RGS3: variants seen among roughly 807,000 people sequenced by gnomAD.
The protein encoded by RGS3 is regulator of G protein signaling 3.
Under a neutral mutation model 132.6 loss-of-function variants are expected in RGS3, and 80 were observed. That is an observed-to-expected ratio of 0.60 (90% CI 0.50 to 0.73). RGS3 has a LOEUF of 0.73. Ranked by LOEUF, RGS3 falls within the 30% of genes least tolerant of loss-of-function variation. RGS3 has a pLI of 0.00. For synonymous variants in RGS3, 598 were observed against 620.6 expected (o/e 0.96, Z 0.54); for missense variants, 1,382 against 1,530.8 (o/e 0.90, Z 1.62).
Position 113,506,596 on chromosome 9 carries a change from T to C in RGS3, c.1085+103T>C. 1.4e-6 allele frequency: 1 copy of C among 732,280 alleles called. No homozygotes were observed. The highest frequency in any genetic ancestry group is 2.4e-6 in the Non-Finnish European group (1 of 424,110). 45.4% of individuals were successfully genotyped at this position (732,280 alleles called of 1,614,324 possible). On this transcript the variant is annotated intron_variant, in intron 12 of 24. Coordinates refer to ENST00000350696, the Ensembl canonical transcript of RGS3. The surrounding 1 kb of genome is among the most constrained non-coding windows in gnomAD (Gnocchi z 4.7). ...TGGCCCAGCTCTTGCTGCTCCCTCT[T>C]TTGCCTAGCTGTGAGCAGGCAATTC...
intron 17 of RGS3, among the ~76,000 whole-genome samples, chr9:113,527,360 T>TA (rs1832259030): frequency 6.6e-6 from 1 of 152,200 alleles, no homozygotes; most frequent in Admixed American, 6.5e-5. Context: ...TTTTGACTCT[T>TA]ACTTGGCACT....
At chr9:113,461,137 A>G (rs1829461819) in intron 1 of RGS3, among the ~76,000 whole-genome samples, 1 of 152,066 alleles carries the variant, frequency 6.6e-6, no homozygotes, top group African/African-American at 2.4e-5. Context: ...GTGTGTGTAC[A>G]TGGGATATGT....
chr9:113,591,401 C>T lies in RGS3; in HGVS notation c.3080+4C>T, dbSNP rs371925644. The T allele has an allele frequency of 4.6e-5, 74 of 1,612,822 alleles. No individual in the cohort carries two copies. Among genetic ancestry groups the T allele is most frequent in the Non-Finnish European group, 5.4e-5 (64 of 1,179,292 alleles). ...GGAAGAGAAAGAGCAAAAACCTGTA[C>T]GTTGGGAAGATCCCTGGCTTCTGCG... is the stretch of plus-strand genomic sequence containing the variant. On this transcript the variant is annotated splice_donor_region_variant and intron_variant, in intron 21 of 24. Transcript: ENST00000350696. The surrounding 1 kb of genome is among the most constrained non-coding windows in gnomAD (Gnocchi z 4.4).
Position 113,581,038 on chromosome 9 carries a change from G to GGGC in RGS3, c.2038-2412_2038-2411insGGC, listed in dbSNP as rs1834781683. The stretch of plus-strand genomic sequence containing the variant: ...GCTGGGCCAGGGGGTGGGTCGGGGG[G>GGGC]AGGTCTGGCCATGTGGTAGGGTGAT... On this transcript the variant is annotated intron_variant, in intron 19 of 24. Transcript: ENST00000350696. The GGGC allele has an allele frequency of 4.7e-4, 69 of 145,840 alleles. 6 individuals carry two copies. Among genetic ancestry groups the GGGC allele is most frequent in the Non-Finnish European group, 9.8e-4 (65 of 66,612 alleles). The allele number at this position is 145,840 out of a possible 1,614,324, so 9.0% of individuals were successfully genotyped here.
At chr9:113,585,793 C>T (rs1010232798) in intron 20 of RGS3, among the ~76,000 whole-genome samples, 3 of 152,212 alleles carry the variant, frequency 2.0e-5, no homozygotes, top group African/African-American at 7.2e-5. Context: ...TCCTCAGAAG[C>T]CTGCTTAGCT....
intron 8 of RGS3, among the ~76,000 whole-genome samples, chr9:113,496,148 A>G (rs529787670): frequency 3.9e-5 from 6 of 152,198 alleles, no homozygotes; most frequent in Non-Finnish European, 7.3e-5. Context: ...CTTGGGGCCC[A>G]GAGCACTCCT....
chr9:113,447,329 G>GTATATATGTATATATGTA (rs1305095004), intron 1 of RGS3, among the ~76,000 whole-genome samples: 1 of 27,532 alleles, frequency 3.6e-5, no homozygotes, highest in Non-Finnish European at 7.5e-5. Context: ...GTATGTATAT[G>GTATATATGTATATATGTA]TATATATATA....
At chr9:113,560,946 GGGGCAAGGGGCTA>G (rs1200772724) in intron 19 of RGS3, among the ~76,000 whole-genome samples, 1 of 152,200 alleles carries the variant, frequency 6.6e-6, no homozygotes, top group East Asian at 1.9e-4. Context: ...GCTTCTGGCA[GGGGCAAGGGGCTA>G]GTCTTACTCT....
intron 19 of RGS3, among the ~76,000 whole-genome samples, chr9:113,549,484 A>G (rs1037810165): frequency 3.3e-5 from 5 of 150,966 alleles, no homozygotes; most frequent in African/African-American, 1.2e-4. Context: ...TTTTTGTTGT[A>G]TTGTTGCAAA....
intron 19 of RGS3, among the ~76,000 whole-genome samples, chr9:113,544,341 T>C (rs1320663895): frequency 6.6e-6 from 1 of 151,898 alleles, no homozygotes; most frequent in African/African-American, 2.4e-5. Flanking sequence ...GCTCTGGTTC[T>C]TTTAAAACTC....
intron 7 of RGS3, among the ~76,000 whole-genome samples, chr9:113,494,761 A>G (rs1830630952): frequency 6.6e-6 from 1 of 152,236 alleles, no homozygotes; most frequent in Non-Finnish European, 1.5e-5. Flanking sequence ...GGTGTGAGCC[A>G]CTGCACCTGG....
At chr9:113,484,327 C>CAAAAGAAAAAAAAA (rs1830258960) in intron 6 of RGS3, 95 bp downstream of exon 4, 1 of 84,910 alleles carries the variant, frequency 1.2e-5, no homozygotes. Flanking sequence ...TAGATCTATG[C>CAAAAGAAAAAAAAA]AAAAAAAAAA....
intron 20 of RGS3, among the ~76,000 whole-genome samples, chr9:113,588,209 A>C (rs573995539): frequency 6.6e-6 from 1 of 152,242 alleles, no homozygotes; most frequent in Non-Finnish European, 1.5e-5. Context: ...CGTAGGTCAG[A>C]GATCAGACGA....
At chr9:113,487,091 CATTTAATTCTTTTTTTTTTTTTTTTTTTT>C (rs1428384499) in intron 7 of RGS3, among the ~76,000 whole-genome samples, 1 of 147,554 alleles carries the variant, frequency 6.8e-6, no homozygotes, top group Non-Finnish European at 1.5e-5. Context: ...TGCATTGTCT[CATTTAATTCTTTTTTTTTTTTTTTTTTTT>C]TTGAGACGGA....
At chr9:113,484,568 G>A (rs542279280) in intron 6 of RGS3, among the ~76,000 whole-genome samples, 8 of 152,234 alleles carry the variant, frequency 5.3e-5, no homozygotes, top group Admixed American at 1.3e-4. Context: ...TCCTTTAGCC[G>A]AAGGAATTTT....
chr9:113,561,586 A>T (rs1160909146), intron 19 of RGS3, among the ~76,000 whole-genome samples: 3 of 133,286 alleles, frequency 2.3e-5, no homozygotes, highest in Non-Finnish European at 3.2e-5. Context: ...CTAATTTTTA[A>T]TTTTTTTTTT....
At chr9:113,471,962 G>A (rs1829849263) in intron 3 of RGS3, among the ~76,000 whole-genome samples, 1 of 152,114 alleles carries the variant, frequency 6.6e-6, no homozygotes. Flanking sequence ...CTCAAAAATG[G>A]GTAAAGGATT....
At chr9:113,455,204 T>C (rs1337787012) in intron 1 of RGS3, among the ~76,000 whole-genome samples, 2 of 152,262 alleles carry the variant, frequency 1.3e-5, no homozygotes, top group African/African-American at 4.8e-5. Flanking sequence ...TGATGTACAA[T>C]ATCTTAAAAA....
chr9:113,477,565 G>A (rs983345207), intron 3 of RGS3, among the ~76,000 whole-genome samples: 1 of 152,208 alleles, frequency 6.6e-6, no homozygotes, highest in Non-Finnish European at 1.5e-5. Context: ...CAAGAGGCAT[G>A]TCCAGAGCTG....
Sources: gnomAD v4.1 joint callset for allele counts (sites outside exome capture counted in the v4.1 genomes callset) on GRCh38, gnomAD v4.1.1 for gene constraint, Gnocchi (gnomAD v3.1) non-coding constraint, MANE v1.5 for transcripts, NCBI Gene and HGNC (gene_info 2026-07-23, HGNC 2026-07-21) for gene names.